The following BNC1 variants were observed in gnomAD, a reference collection of about 807,000 sequenced individuals.
BNC1 encodes the protein zinc finger protein basonuclin-1.
BNC1 carries 8 observed loss-of-function variants against 66.5 expected under a neutral mutation model. The observed-to-expected ratio is 0.12, with a 90% CI of 0.07 to 0.22. The LOEUF (loss-of-function observed/expected upper bound fraction) is 0.22, where lower values mean the gene tolerates loss of function less well. BNC1 is among the 10% of genes least tolerant of loss of function. The pLI is 1.00. For missense variants in BNC1, 1,069 were observed against 1,241.3 expected, an observed-to-expected ratio of 0.86 and a Z score of 2.09; for synonymous variants, 454 against 452.6, an observed-to-expected ratio of 1.00 and a Z score of -0.04.
Position 83,263,185 on chromosome 15 carries a change from T to C in BNC1, c.2066A>G (p.Asn689Ser), listed in dbSNP as rs772305750. Residue 689 changes from asparagine to serine, a missense_variant, in exon 4 of 5, where the codon AAC (asparagine) becomes AGC (serine). Asn to Ser is a conservative substitution (Grantham distance 46). Transcript: ENST00000345382. Reference sequence around the variant, plus strand: ...AAGACAAGGAAAAGCCATTCCCCTGTTGGACAAAGCACTGAAGAGTCCCCC... The same window carrying C: ...AAGACAAGGAAAAGCCATTCCCCTGCTGGACAAAGCACTGAAGAGTCCCCC... ...LAGGLFSALS[N>S]RGMAFPCLED... The C allele has an allele frequency of 1.5e-5, 24 of 1,614,118 alleles. No homozygotes were observed. Among genetic ancestry groups the C allele is most frequent in the Middle Eastern group, 1.6e-4 (1 of 6,084 alleles).
intron 1 of BNC1, chr15:83,283,427 G>C: frequency 1.7e-6 from 2 of 1,188,130 alleles, no homozygotes; most frequent in African/African-American, 1.7e-5. Context: ...CAGCCTCGCC[G>C]CCGCCGCCCG....
intron 1 of BNC1, chr15:83,283,326 AGGC>A: frequency 2.1e-6 from 3 of 1,446,110 alleles, no homozygotes; most frequent in Non-Finnish European, 2.7e-6. Flanking sequence ...CGGCAAAGCC[AGGC>A]GGCGGCGGGG....
Position 83,263,556 on chromosome 15 carries a change from T to G in BNC1, c.1695A>C (p.Glu565Asp), listed in dbSNP as rs1419343631. Residue 565 changes from glutamate to aspartate, a missense_variant, in exon 4 of 5, where the codon GAA (glutamate) becomes GAC (aspartate). Transcript: ENST00000345382. ...NEKRHNLSSD[E>D]DMPLQVVSED... ...CACTGACCACCTGTAGGGGCATGTC[T>G]TCATCTGAGCTGAGGTTGTGTCTTT... 1 of 1,614,266 alleles carries G rather than the reference T, an allele frequency of 6.2e-7. No individual in the cohort carries two copies. The highest frequency in any genetic ancestry group is 1.1e-5 in the South Asian group (1 of 91,092).
Position 83,257,296 on chromosome 15 carries a change from C to G in BNC1, c.*146G>C. 1 of 948,424 alleles carries G rather than the reference C, an allele frequency of 1.1e-6. No individual in the cohort carries two copies. The highest frequency in any genetic ancestry group is 1.6e-6 in the Non-Finnish European group (1 of 639,108). 58.8% of individuals were successfully genotyped at this position (948,424 alleles called of 1,614,324 possible). Reference sequence around the variant, plus strand: ...CTTCCCACGAGGTTTGTCTTTTGCTCATTGTGCTGTGGAAAACTATAAAGT... The same window carrying G: ...CTTCCCACGAGGTTTGTCTTTTGCTGATTGTGCTGTGGAAAACTATAAAGT... On this transcript the variant is annotated 3_prime_UTR_variant, in exon 5 of 5. Transcript: ENST00000345382.
chr15:83,284,407 G>A (rs1156688861), intron 1 of BNC1, 123 bp downstream of exon 1: 2 of 561,860 alleles, frequency 3.6e-6, no homozygotes, highest in East Asian at 1.3e-4. Context: ...TGCCGCGCAG[G>A]TAGCCAGCTG....
At chr15:83,261,620 G>A (rs2038141096) in intron 4 of BNC1, among the ~76,000 whole-genome samples, 2 of 152,302 alleles carry the variant, frequency 1.3e-5, no homozygotes, top group South Asian at 4.1e-4. Flanking sequence ...CTGAAGAGTG[G>A]TTAGGTGACT....
At position 83,264,440 on chromosome 15, in the gene BNC1, C is replaced by T. The variant is rs754402765; in HGVS notation, c.811G>A (p.Asp271Asn). Residue 271 changes from aspartate (D) to asparagine (N), a missense_variant, in exon 4 of 5, where the codon GAC becomes AAC. Physicochemically the swap from Asp to Asn is conservative, Grantham distance 23 (BLOSUM62 1). Coordinates refer to ENST00000345382, the MANE Select transcript of BNC1 (RefSeq NM_001717.4). ...PEQYMLEQGH[D>N]QSQDPKQEVH... ...TCCTGTTTGGGGTCCTGACTTTGGT[C>T]ATGACCCTGCTCCAACATATATTGT... 1.4e-5 allele frequency: 22 copies of T among 1,614,030 alleles called. No homozygotes were observed. In the Admixed American group the frequency reaches 1.7e-4, roughly 12 times the overall value.
chr15:83,262,581 T>C (rs1401538841), intron 4 of BNC1, among the ~76,000 whole-genome samples: 1 of 144,478 alleles, frequency 6.9e-6, no homozygotes. Flanking sequence ...GCAGCCAAAT[T>C]AGGTTAGGTT....
At position 83,264,830 on chromosome 15, in the gene BNC1, G is replaced by A. The variant is rs202000459; in HGVS notation, c.436-15C>T. 6.2e-7 allele frequency: 1 copy of A among 1,605,000 alleles called. No individual in the cohort carries two copies. The highest frequency in any genetic ancestry group is 8.5e-7 in the Non-Finnish European group (1 of 1,175,360). On this transcript the variant is annotated splice_polypyrimidine_tract_variant and intron_variant, in intron 3 of 4. Coordinates refer to ENST00000345382, the MANE Select transcript of BNC1 (RefSeq NM_001717.4). ...CCTGATGCATCCTAAACCCAAACCA[G>A]ATGTTAGAAGTGTGATCAATTTACA...
chr15:83,278,672 G>A (rs1385351918), intron 1 of BNC1, among the ~76,000 whole-genome samples: 1 of 152,150 alleles, frequency 6.6e-6, no homozygotes. Context: ...TCAAATAAAT[G>A]AAGAACTGGA....
intron 3 of BNC1, among the ~76,000 whole-genome samples, chr15:83,266,359 T>A (rs2038218410): frequency 1.3e-5 from 2 of 151,656 alleles, no homozygotes; most frequent in Non-Finnish European, 2.9e-5. Context: ...ATATAAAAAA[T>A]AGAGCCTAAG....
At chr15:83,268,906 C>T (rs2038243005) in intron 1 of BNC1, among the ~76,000 whole-genome samples, 1 of 152,188 alleles carries the variant, frequency 6.6e-6, no homozygotes. Flanking sequence ...TAGAGATGTA[C>T]ATGTCCAACA....
At chr15:83,269,424 A>AGTGC (rs2038248293) in intron 1 of BNC1, among the ~76,000 whole-genome samples, 1 of 149,856 alleles carries the variant, frequency 6.7e-6, no homozygotes, top group Non-Finnish European at 1.5e-5. Flanking sequence ...GAAACTGGGA[A>AGTGC]GTGCGTGTGT....
Position 83,284,570 on chromosome 15 carries a change from C to T in BNC1, c.59G>A (p.Arg20His), listed in dbSNP as rs2151442134. 9.2e-7 allele frequency: 1 copy of T among 1,085,992 alleles called. No individual in the cohort carries two copies. Among genetic ancestry groups the T allele is most frequent in the Non-Finnish European group, 1.1e-6 (1 of 895,980 alleles). 67.3% of individuals were successfully genotyped at this position (1,085,992 alleles called of 1,614,324 possible). ...ACCGCTGCGGTGCCGGGGCTGCCGGCGCGTCTCCCGGGCCCGGGCCGCCCC... is the reference window on the plus strand; with the variant it reads ...ACCGCTGCGGTGCCGGGGCTGCCGGTGCGTCTCCCGGGCCCGGGCCGCCCC... ...GRGAARARET[R>H]RQPRHRSGRR... The change falls in exon 1 of 5, where the codon CGC (arginine) becomes CAC (histidine). Residue 20 changes from arginine to histidine, a missense_variant. By Grantham distance (29) the Arg-to-His change is conservative. This residue lies in a region of BNC1 where 78 missense variants were observed against 80.9 expected (regional missense o/e 0.96). Coordinates refer to ENST00000345382, the MANE Select transcript of BNC1 (RefSeq NM_001717.4).
At chr15:83,283,299 C>T (rs2038402380) in intron 1 of BNC1, 1 of 1,504,630 alleles carries the variant, frequency 6.6e-7, no homozygotes, top group East Asian at 2.5e-5. Context: ...ATCTGGCTGA[C>T]AAATCCCGAG....
rs561104661 is a variant in BNC1 at position 83,266,281 on chromosome 15, T to TACAC, written c.435+551_435+554dup. ...GGGGAGGGAGGGAGGGAGGGAGACA[T>TACAC]ACACACACACACACACACATATAGA... is the stretch of plus-strand genomic sequence containing the variant. On this transcript the variant is annotated intron_variant, in intron 3 of 4. Coordinates refer to ENST00000345382, the MANE Select transcript of BNC1 (RefSeq NM_001717.4). Among the ~76,000 whole-genome samples, 18 of 147,628 alleles carry TACAC rather than the reference T, an allele frequency of 1.2e-4. No homozygotes were observed. In the East Asian group the frequency reaches 2.6e-3, roughly 21 times the overall value.
At chr15:83,273,661 G>C (rs2038289781) in intron 1 of BNC1, among the ~76,000 whole-genome samples, 1 of 152,094 alleles carries the variant, frequency 6.6e-6, no homozygotes, top group African/African-American at 2.4e-5. Context: ...AGTATGTGAT[G>C]GAAGATTGGG....
At position 83,258,044 on chromosome 15, in the gene BNC1, A is replaced by C. The variant is rs149317851; in HGVS notation, c.2383T>G (p.Tyr795Asp). The C allele has an allele frequency of 6.2e-7, 1 of 1,613,908 alleles. No homozygotes were observed. The highest frequency in any genetic ancestry group is 1.3e-5 in the African/African-American group (1 of 75,050). The change falls in exon 5 of 5, where the codon TAC (tyrosine) becomes GAC (aspartate). Residue 795 changes from tyrosine to aspartate, a missense_variant. Around this residue, in one of 7 missense-constraint regions of BNC1, gnomAD observed 657 missense variants for 715.8 expected, o/e 0.92. Transcript: ENST00000345382. ...ESSEDHFRAA[Y>D]LLKDVAKEAY... The stretch of plus-strand genomic sequence containing the variant: ...TCCTTAGCCACATCTTTCAGAAGGT[A>C]AGCTGCACGGAAATGATCTTCACTA...
At position 83,264,330 on chromosome 15, in the gene BNC1, A is replaced by C; in HGVS notation, c.921T>G (p.Cys307Trp). 1 of 1,614,122 alleles carries C rather than the reference A, an allele frequency of 6.2e-7. No individual in the cohort carries two copies. Among genetic ancestry groups the C allele is most frequent in the South Asian group, 1.1e-5 (1 of 91,078 alleles). The change falls in exon 4 of 5, where the codon TGT (cysteine) becomes TGG (tryptophan). Residue 307 changes from cysteine to tryptophan, a missense_variant. Coordinates refer to ENST00000345382, the MANE Select transcript of BNC1 (RefSeq NM_001717.4). The stretch of plus-strand genomic sequence containing the variant: ...CTTCTTTTTTAGTAATAGCATCCGG[A>C]CAGTTTAAACACTGATCTTTTTCAA... ...FQVEKDQCLN[C>W]PDAITKKEDS...
Sources: gnomAD v4.1 joint callset for allele counts (sites outside exome capture counted in the v4.1 genomes callset) on GRCh38, gnomAD v4.1.1 for gene constraint, gnomAD v4.1.1 regional missense constraint, MANE v1.5 for transcripts, NCBI Gene and HGNC (gene_info 2026-07-23, HGNC 2026-07-21) for gene names.